Variants in SLC2A7 observed in about 807,000 individuals in gnomAD.
The protein encoded by SLC2A7 is solute carrier family 2, facilitated glucose transporter member 7.
SLC2A7 carries 50 observed loss-of-function variants against 50.5 expected under a neutral mutation model. The observed-to-expected ratio is 0.99, with a 90% CI of 0.79 to 1.25. The LOEUF is 1.25. Among genes scored for constraint, SLC2A7 ranks in the 50% most tolerant of loss-of-function variants. The pLI, the probability that SLC2A7 is intolerant of heterozygous loss-of-function variation, is 0.00. For synonymous variants in SLC2A7, 308 were observed against 300.4 expected (o/e 1.03, Z -0.26); for missense variants, 683 against 679.1 (o/e 1.01, Z -0.06).
chr1:8,999,418 C>T (rs1164214087), downstream of SLC2A7, among the ~76,000 whole-genome samples: 1 of 152,212 alleles, frequency 6.6e-6, no homozygotes, highest in Non-Finnish European at 1.5e-5. Flanking sequence ...CCTTACTATC[C>T]TGTCCCCTGG....
In SLC2A7 at chr1:9,018,400, GGGCA is replaced by G. The variant is rs1250725101; in HGVS notation, c.437-29_437-26del. 5.6e-6 allele frequency: 9 copies of G among 1,612,886 alleles called. No individual in the cohort carries two copies. In the African/African-American group the frequency reaches 1.2e-4, roughly 22 times the overall value. On this transcript the variant is annotated intron_variant, in intron 4 of 11. Coordinates refer to ENST00000400906, the MANE Select transcript of SLC2A7 (RefSeq NM_207420.3). ...CCTGGTTTGGGCACAGCAGAAATCA[GGGCA>G]GGCAAACCGCAAACGCAGAATCTGA...
chr1:9,011,599 G>A (rs1640750712), intron 8 of SLC2A7, among the ~76,000 whole-genome samples: 1 of 151,882 alleles, frequency 6.6e-6, no homozygotes. Context: ...CACATCATGC[G>A]GGGCCCCTCA....
In SLC2A7 at chr1:9,019,243, G is replaced by A. The variant is rs866419501; in HGVS notation, c.402C>T (p.Ile134=). ...CTCCCAGCACCACTCGGGAAAAGAC[G>A]ATCAGCTCAAAAGCCTTGGCCACTT... ...VSKVAKAFEL[I]VFSRVVLGVC... The change falls in exon 4 of 12, where the codon ATC becomes ATT. Residue 134 remains isoleucine (I), a synonymous_variant. Coordinates refer to ENST00000400906, the MANE Select transcript of SLC2A7 (RefSeq NM_207420.3). 8.7e-6 allele frequency: 14 copies of A among 1,613,968 alleles called. No individual in the cohort carries two copies. In the Middle Eastern group the frequency reaches 4.9e-4, roughly 57 times the overall value.
Position 9,008,606 on chromosome 1 carries a change from T to TTTTC in SLC2A7, c.1117-1222_1117-1221insGAAA, listed in dbSNP as rs1640694737. ...GTTCTGCTAAGAACTTATATTGGTT[T>TTTTC]TTTTTTTTTTTAGACAGAATCTCGC... On this transcript the variant is annotated intron_variant, in intron 9 of 11. Coordinates refer to ENST00000400906, the MANE Select transcript of SLC2A7 (RefSeq NM_207420.3). This position sits in a 1 kb window ranked among gnomAD's most constrained non-coding sequence, Gnocchi z 5.9. 6.6e-6 allele frequency among the ~76,000 whole-genome samples: 1 copy of TTTTC among 150,978 alleles called. No homozygotes were observed. The highest frequency in any genetic ancestry group is 2.1e-4 in the South Asian group (1 of 4,752).
In SLC2A7 at chr1:9,014,760, C is replaced by A. The variant is rs765214485; in HGVS notation, c.824G>T (p.Cys275Phe). Residue 275 changes from cysteine to phenylalanine, a missense_variant, in exon 7 of 12, where the codon TGT (cysteine) becomes TTT (phenylalanine). Cys to Phe is a radical substitution (Grantham distance 205, BLOSUM62 -2). Coordinates refer to ENST00000400906, the MANE Select transcript of SLC2A7 (RefSeq NM_207420.3). ...CTGCCAGCGCAGGGACCGCAGGGCA[C>A]AGAGGTGCAGCACAGACAGGTGGCC... The part of the protein sequence containing the change: ...AEGHLSVLHL[C>F]ALRSLRWQLL... 2.6e-5 allele frequency: 41 copies of A among 1,592,074 alleles called. No individual in the cohort carries two copies. The East Asian group carries it at 8.9e-4, about 35-fold the overall frequency.
At chr1:9,004,655 C>T in intron 11 of SLC2A7, 97 bp downstream of exon 11, 2 of 1,476,636 alleles carry the variant, frequency 1.4e-6, no homozygotes, top group East Asian at 2.3e-5. Flanking sequence ...AGCCTGTCCC[C>T]ACCTTGCTGG....
chr1:9,018,563 AC>A (rs1476216429), intron 4 of SLC2A7, among the ~76,000 whole-genome samples, 188 bp from the exon 5 acceptor site: 1 of 152,162 alleles, frequency 6.6e-6, no homozygotes, highest in Non-Finnish European at 1.5e-5. Flanking sequence ...CTCAGCCCCC[AC>A]GGGGGAGTCA....
chr1:8,996,014 T>C, the SLC2A7 span, among the ~76,000 whole-genome samples: 93,963 of 152,092 alleles, frequency 0.62, 30,968 homozygotes, highest in East Asian at 0.84. Flanking sequence ...GTGATCTGCC[T>C]GCCTTGGCCT....
In SLC2A7 at chr1:9,018,342, C is replaced by A; in HGVS notation, c.470G>T (p.Gly157Val). 1 of 1,613,830 alleles carries A rather than the reference C, an allele frequency of 6.2e-7. No individual in the cohort carries two copies. The highest frequency in any genetic ancestry group is 8.5e-7 in the Non-Finnish European group (1 of 1,180,034). The change falls in exon 5 of 12, where the codon GGA becomes GTA. Residue 157 changes from glycine to valine, a missense_variant. Physicochemically the swap from Gly to Val is moderately radical, Grantham distance 109 (BLOSUM62 -3). Coordinates refer to ENST00000400906, the MANE Select transcript of SLC2A7 (RefSeq NM_207420.3). ...ISYSALPMYL[G>V]ELAPKNLRGM... ...TCTCAGGTTCTTGGGGGCCAGTTCT[C>A]CCAGGTACATGGGAAGGGCGCTGTA...
In SLC2A7 at chr1:9,003,362, T is replaced by C. The variant is rs1304829986; in HGVS notation, c.1477A>G (p.Lys493Glu). The C allele has an allele frequency of 6.2e-7, 1 of 1,614,058 alleles. No homozygotes were observed. The highest frequency in any genetic ancestry group is 8.5e-7 in the Non-Finnish European group (1 of 1,180,048). ...KRNRVKLPEEKEETIDAGPPT... is the reference protein window; with the variant it reads ...KRNRVKLPEEEEETIDAGPPT... The stretch of plus-strand genomic sequence containing the variant: ...GGCCCAGCATCAATGGTTTCTTCTT[T>C]CTCCTCTGGAAGCTTCACCCTGTTT... The change falls in exon 12 of 12, where the codon AAA becomes GAA. Residue 493 changes from lysine (K) to glutamate (E), a missense_variant. Transcript: ENST00000400906.
At chr1:9,010,651 C>G (rs915013514) in intron 8 of SLC2A7, among the ~76,000 whole-genome samples, 1 of 151,972 alleles carries the variant, frequency 6.6e-6, no homozygotes, top group Non-Finnish European at 1.5e-5. Flanking sequence ...AGCCACCGTG[C>G]GTCACCTTTT....
chr1:9,014,986 C>A, intron 6 of SLC2A7, 118 bp from the exon 7 acceptor site: 1 of 1,502,370 alleles, frequency 6.7e-7, no homozygotes. Flanking sequence ...GCCCCAGTTG[C>A]CACCCCCCCA....
chr1:8,996,932 C>T, the SLC2A7 span, among the ~76,000 whole-genome samples: 9 of 151,980 alleles, frequency 5.9e-5, no homozygotes, highest in African/African-American at 1.2e-4. Context: ...TGTGCCACCA[C>T]GCCCGGCTAA....
At chr1:9,022,249 G>C (rs1016741620) in intron 3 of SLC2A7, among the ~76,000 whole-genome samples, 1 of 152,228 alleles carries the variant, frequency 6.6e-6, no homozygotes, top group African/African-American at 2.4e-5. Flanking sequence ...GTCCGAATGA[G>C]TGGGCTGACC....
intron 2 of SLC2A7, 90 bp from the exon 3 acceptor site, chr1:9,023,168 A>G: frequency 7.0e-7 from 1 of 1,425,458 alleles, no homozygotes; most frequent in Non-Finnish European, 9.6e-7. Context: ...GTCATTGTAC[A>G]GAGAGGTTTT....
chr1:9,004,121 G>A (rs934318577), intron 11 of SLC2A7, among the ~76,000 whole-genome samples: 4 of 151,660 alleles, frequency 2.6e-5, no homozygotes, highest in Non-Finnish European at 4.4e-5. Flanking sequence ...CAGCACTTTC[G>A]AAGTTTGAGA....
intron 3 of SLC2A7, 61 bp downstream of exon 3, chr1:9,022,857 C>T (rs1640931900): frequency 6.3e-7 from 1 of 1,588,934 alleles, no homozygotes; most frequent in African/African-American, 1.3e-5. Context: ...GCACAAATGC[C>T]CAGAGACAGT....
chr1:9,009,304 G>C (rs375318454), intron 9 of SLC2A7, among the ~76,000 whole-genome samples: 4 of 152,344 alleles, frequency 2.6e-5, no homozygotes, highest in African/African-American at 9.6e-5. Flanking sequence ...TTGCTTTTTA[G>C]AGATTTTATA....
chr1:9,003,703 C>CA (rs1640609209), intron 11 of SLC2A7, among the ~76,000 whole-genome samples, 185 bp from the exon 12 acceptor site: 1 of 152,046 alleles, frequency 6.6e-6, no homozygotes, highest in Non-Finnish European at 1.5e-5. Flanking sequence ...ATTAAAAATA[C>CA]AAAAATTAGC....
Sources: allele counts gnomAD v4.1 joint callset (sites outside exome capture counted in the v4.1 genomes callset), GRCh38; gene constraint gnomAD v4.1.1; non-coding constraint Gnocchi (gnomAD v3.1); transcripts MANE v1.5; gene names NCBI Gene and HGNC (gene_info 2026-07-23, HGNC 2026-07-21).